MEIS1: variants seen among roughly 807,000 people sequenced by gnomAD.
MEIS1 encodes Meis homeobox 1.
A neutral mutation model predicts 50.8 loss-of-function variants in MEIS1; 5 were observed. The observed-to-expected ratio is 0.10, with a 90% CI of 0.05 to 0.21. MEIS1 has a LOEUF of 0.21. MEIS1 is among the 10% of genes least tolerant of loss of function. The probability of loss-of-function intolerance (pLI) is 1.00; values close to 1 mark genes in which losing one functional copy is unlikely to be tolerated. For missense variants in MEIS1, 318 were observed against 517.3 expected, an observed-to-expected ratio of 0.61 and a Z score of 3.74; for synonymous variants, 176 against 179.3, an observed-to-expected ratio of 0.98 and a Z score of 0.15.
chr2:66,458,616 C>T (rs914354419), intron 6 of MEIS1, among the ~76,000 whole-genome samples: 33 of 152,166 alleles, frequency 2.2e-4, no homozygotes, highest in African/African-American at 8.0e-4. Flanking sequence ...TCCTCATTTA[C>T]AGATGAGGAC....
At chr2:66,452,149 C>T (rs1041381228) in intron 6 of MEIS1, among the ~76,000 whole-genome samples, 2 of 151,764 alleles carry the variant, frequency 1.3e-5, no homozygotes, top group Non-Finnish European at 1.5e-5. Flanking sequence ...CTTGAAAGTT[C>T]CCACCAGATC....
At chr2:66,479,879 A>T (rs1672978158) in intron 7 of MEIS1, among the ~76,000 whole-genome samples, 1 of 152,200 alleles carries the variant, frequency 6.6e-6, no homozygotes, top group South Asian at 2.1e-4. Context: ...GCTCTTTAAA[A>T]ATCTCACTGC....
intron 9 of MEIS1, among the ~76,000 whole-genome samples, chr2:66,561,113 C>T (rs1358386053): frequency 6.6e-6 from 1 of 151,980 alleles, no homozygotes; most frequent in Non-Finnish European, 1.5e-5. Flanking sequence ...ATAAAGAGTT[C>T]CAACAGAAAA....
intron 12 of MEIS1, 38 bp from the exon 13 acceptor site, chr2:66,571,208 C>A: frequency 6.5e-7 from 1 of 1,542,392 alleles, no homozygotes; most frequent in Non-Finnish European, 8.7e-7. Context: ...TTTTTCATAA[C>A]ATTTTCTTTT....
intron 12 of MEIS1, 176 bp from the exon 13 acceptor site, chr2:66,571,070 C>A: frequency 1.5e-6 from 1 of 655,248 alleles, no homozygotes; most frequent in Non-Finnish European, 2.4e-6. Context: ...ATGTGAGTTT[C>A]CAGCATGATG....
At chr2:66,500,878 G>A (rs1323139968) in intron 7 of MEIS1, among the ~76,000 whole-genome samples, 1 of 152,176 alleles carries the variant, frequency 6.6e-6, no homozygotes, top group Non-Finnish European at 1.5e-5. Flanking sequence ...CATATGCAGA[G>A]TAATATAGAA....
intron 12 of MEIS1, chr2:66,571,036 C>T (rs1034181723): frequency 1.3e-5 from 7 of 547,070 alleles, no homozygotes; most frequent in Non-Finnish European, 1.9e-5. Flanking sequence ...ATAACAGTGA[C>T]AATGAAAGGA....
At chr2:66,445,426 G>T (rs1672107797) in intron 6 of MEIS1, 1 of 152,444 alleles carries the variant, frequency 6.6e-6, no homozygotes. Context: ...GTGGGCGCCA[G>T]TTCTCCGGTC....
At chr2:66,503,736 ATTTTTTTTTTTTTT>A (rs70943702) in intron 7 of MEIS1, among the ~76,000 whole-genome samples, 1 of 77,800 alleles carries the variant, frequency 1.3e-5, no homozygotes, top group African/African-American at 5.7e-5. Flanking sequence ...TATATGGGGC[ATTTTTTTTTTTTTT>A]TTTTTTTTTT....
chr2:66,534,039 C>T (rs982557081), intron 8 of MEIS1, among the ~76,000 whole-genome samples: 5 of 152,164 alleles, frequency 3.3e-5, no homozygotes, highest in Admixed American at 2.6e-4. Context: ...TTACTAGTCT[C>T]TAAATATATG....
At chr2:66,439,744 C>T in intron 2 of MEIS1, 99 bp from the exon 3 acceptor site, 7 of 1,599,098 alleles carry the variant, frequency 4.4e-6, no homozygotes, top group Non-Finnish European at 6.0e-6. Flanking sequence ...GAGAGGGGGT[C>T]TGTTCCTCTT....
At position 66,527,499 on chromosome 2, in the gene MEIS1, G is replaced by A. The variant is rs116558431; in HGVS notation, c.888+15205G>A. Among the ~76,000 whole-genome samples, 1,090 of 152,196 alleles carry A rather than the reference G, an allele frequency of 7.2e-3. 21 individuals are homozygous for A. Among genetic ancestry groups the A allele is most frequent in the African/African-American group, 0.025 (1,040 of 41,516 alleles). ...TTATTCCAGAGCAATCACAACTGCT[G>A]TATGGTCAACCAGAGCTGGGGGCCC... On this transcript the variant is annotated intron_variant, in intron 8 of 12. Coordinates refer to ENST00000272369, the MANE Select transcript of MEIS1 (RefSeq NM_002398.3).
chr2:66,568,966 G>GTT (rs570484439), intron 11 of MEIS1, 84 bp from the exon 12 acceptor site: 862 of 1,139,258 alleles, frequency 7.6e-4, no homozygotes, highest in South Asian at 1.5e-3. Flanking sequence ...TCTAGATCCT[G>GTT]TTTTTTTTTT....
intron 8 of MEIS1, among the ~76,000 whole-genome samples, chr2:66,532,790 G>A (rs549800628): frequency 1.4e-4 from 21 of 152,276 alleles, no homozygotes; most frequent in African/African-American, 5.1e-4. Context: ...CAGGTTTGAT[G>A]TGAGCTACAG....
At chr2:66,438,840 AAT>A (rs1671868987) in intron 2 of MEIS1, among the ~76,000 whole-genome samples, 2 of 151,892 alleles carry the variant, frequency 1.3e-5, no homozygotes, top group African/African-American at 2.4e-5. Context: ...TGGAAAAAAA[AAT>A]ATATATAATC....
chr2:66,532,102 G>A (rs1674406875), intron 8 of MEIS1, among the ~76,000 whole-genome samples: 1 of 151,970 alleles, frequency 6.6e-6, no homozygotes, highest in African/African-American at 2.4e-5. Context: ...TGTTCCTATG[G>A]GAATTAGTTT....
At position 66,512,169 on chromosome 2, in the gene MEIS1, G is replaced by A. The variant is rs1386075568; in HGVS notation, c.763G>A (p.Val255Ile). The part of the protein sequence containing the change: ...SEQGDGLDNS[V>I]ASPSTGDDDD... Reference sequence around the variant, plus strand: ...TGCAGGTGATGGCTTGGACAACAGTGTAGCTTCCCCCAGCACAGGTGACGA... The same window carrying A: ...TGCAGGTGATGGCTTGGACAACAGTATAGCTTCCCCCAGCACAGGTGACGA... The change falls in exon 8 of 13, where the codon GTA becomes ATA. Residue 255 changes from valine (V) to isoleucine (I), a missense_variant. By Grantham distance (29) the Val-to-Ile change is conservative. Transcript: ENST00000272369. 1.3e-6 allele frequency: 2 copies of A among 1,598,478 alleles called. No homozygotes were observed. Among genetic ancestry groups the A allele is most frequent in the Admixed American group, 1.7e-5 (1 of 58,946 alleles).
At chr2:66,569,376 C>T (rs1464583320) in intron 12 of MEIS1, 2 of 290,484 alleles carry the variant, frequency 6.9e-6, no homozygotes, top group Non-Finnish European at 6.4e-6. Context: ...GTACTGACCA[C>T]ATGACAAAAC....
At chr2:66,567,574 C>G (rs936041013) in intron 10 of MEIS1, 63 bp downstream of exon 10, 1 of 1,485,144 alleles carries the variant, frequency 6.7e-7, no homozygotes, top group Non-Finnish European at 9.4e-7. Context: ...AAGCCATTCA[C>G]CGGGAGGTCC....
Sources: gnomAD v4.1 joint callset for allele counts (sites outside exome capture counted in the v4.1 genomes callset) on GRCh38, gnomAD v4.1.1 for gene constraint, MANE v1.5 for transcripts, NCBI Gene and HGNC (gene_info 2026-07-23, HGNC 2026-07-21) for gene names.